PPP1CC: variants seen among roughly 807,000 people sequenced by gnomAD.
PPP1CC encodes the protein serine/threonine-protein phosphatase PP1-gamma catalytic subunit.
A neutral mutation model predicts 38.4 loss-of-function variants in PPP1CC; 16 were observed. That is an observed-to-expected ratio of 0.42 (90% CI 0.28 to 0.63). The LOEUF is 0.63. Ranked by LOEUF, PPP1CC falls within the 30% of genes least tolerant of loss-of-function variation. The probability of loss-of-function intolerance (pLI) is 0.25; values close to 1 mark genes in which losing one functional copy is unlikely to be tolerated. For synonymous variants in PPP1CC, 158 were observed against 136.0 expected (o/e 1.16, Z -1.13); for missense variants, 170 against 391.3 (o/e 0.43, Z 4.77).
intron 1 of PPP1CC, 93 bp from the exon 2 acceptor site, chr12:110,731,994 G>T: frequency 7.2e-7 from 1 of 1,396,450 alleles, no homozygotes; most frequent in South Asian, 1.3e-5. Flanking sequence ...GGTTTAACTA[G>T]CTTTCTGAGT....
the PPP1CC span, among the ~76,000 whole-genome samples, chr12:110,710,807 G>A: frequency 1.3e-5 from 2 of 151,656 alleles, no homozygotes; most frequent in Non-Finnish European, 2.9e-5. Flanking sequence ...TAAGGTGGGC[G>A]GATCACTTGA....
chr12:110,731,548 C>A (rs1231190215), intron 2 of PPP1CC, among the ~76,000 whole-genome samples: 2 of 151,390 alleles, frequency 1.3e-5, no homozygotes, highest in East Asian at 1.9e-4. Flanking sequence ...AATGTTTATT[C>A]CTTCAGCAAA....
chr12:110,735,815 A>G (rs765335651), intron 1 of PPP1CC, among the ~76,000 whole-genome samples: 2 of 151,810 alleles, frequency 1.3e-5, no homozygotes, highest in Non-Finnish European at 1.5e-5. Context: ...CAGTAATCCC[A>G]GCACTTTAGG....
At chr12:110,741,228 A>G (rs2070013806) in intron 1 of PPP1CC, among the ~76,000 whole-genome samples, 1 of 152,118 alleles carries the variant, frequency 6.6e-6, no homozygotes, top group Non-Finnish European at 1.5e-5. Flanking sequence ...AAAGGAAAGA[A>G]TGCACAGATT....
Position 110,731,735 on chromosome 12 carries a change from T to C in PPP1CC, c.187+35A>G, listed in dbSNP as rs375531423. 7.2e-5 allele frequency: 114 copies of C among 1,587,524 alleles called. No individual in the cohort carries two copies. The South Asian group carries it at 8.5e-4, about 12-fold the overall frequency. ...TATCCTTGACTCAGTTAATCAATCA[T>C]GTAACAAAAGATAACCTGTGTGCCC... On this transcript the variant is annotated intron_variant, in intron 2 of 6. Transcript: ENST00000335007.
At chr12:110,710,060 C>A in the PPP1CC span, among the ~76,000 whole-genome samples, 1 of 151,110 alleles carries the variant, frequency 6.6e-6, no homozygotes, top group African/African-American at 2.4e-5. Context: ...AGATTAAGCA[C>A]AACTGAAGAA....
intron 3 of PPP1CC, among the ~76,000 whole-genome samples, chr12:110,728,392 C>A (rs1433662369): frequency 8.0e-6 from 1 of 124,394 alleles, no homozygotes; most frequent in Admixed American, 7.9e-5. Context: ...AGCGAGACTC[C>A]GTCTCAAAAA....
intron 3 of PPP1CC, among the ~76,000 whole-genome samples, chr12:110,729,002 G>A (rs1480061525): frequency 6.6e-6 from 1 of 152,156 alleles, no homozygotes; most frequent in African/African-American, 2.4e-5. Flanking sequence ...GAGGGCCACA[G>A]GGACAACCCT....
At chr12:110,738,564 A>T (rs1187877352) in intron 1 of PPP1CC, among the ~76,000 whole-genome samples, 1 of 152,224 alleles carries the variant, frequency 6.6e-6, no homozygotes, top group Non-Finnish European at 1.5e-5. Context: ...TACAGGTTGT[A>T]ATAGGACTGT....
chr12:110,731,085 T>C (rs1459145436), intron 2 of PPP1CC, among the ~76,000 whole-genome samples: 1 of 152,146 alleles, frequency 6.6e-6, no homozygotes, highest in Non-Finnish European at 1.5e-5. Flanking sequence ...GGCTGACTGA[T>C]CAATATCAGA....
chr12:110,716,424 C>T (rs541445019), downstream of PPP1CC, among the ~76,000 whole-genome samples: 1 of 151,658 alleles, frequency 6.6e-6, no homozygotes, highest in Non-Finnish European at 1.5e-5. Flanking sequence ...AGAGTCTTGG[C>T]TCACTGCAAC....
At chr12:110,712,988 G>T in the PPP1CC span, among the ~76,000 whole-genome samples, 1 of 151,854 alleles carries the variant, frequency 6.6e-6, no homozygotes, top group Non-Finnish European at 1.5e-5. Context: ...CAGGAGAATT[G>T]CTTGAACTTG....
chr12:110,736,898 G>A (rs976963383), intron 1 of PPP1CC, among the ~76,000 whole-genome samples: 1 of 152,150 alleles, frequency 6.6e-6, no homozygotes, highest in African/African-American at 2.4e-5. Context: ...AGCCCTAGCT[G>A]AATTCTAATG....
chr12:110,711,687 G>A, the PPP1CC span, among the ~76,000 whole-genome samples: 2,647 of 152,226 alleles, frequency 0.017, 104 homozygotes, highest in African/African-American at 0.06. Context: ...CACTTTGGGA[G>A]GCCGAGGCAG....
intron 1 of PPP1CC, chr12:110,734,846 GTTGT>G (rs1566087314): frequency 1.0e-4 from 16 of 152,826 alleles, no homozygotes; most frequent in African/African-American, 3.6e-4. Flanking sequence ...GTTCTTAAAA[GTTGT>G]CATATCAGGC....
downstream of PPP1CC, among the ~76,000 whole-genome samples, chr12:110,718,554 G>A (rs2136533788): frequency 6.6e-6 from 1 of 152,304 alleles, no homozygotes; most frequent in East Asian, 1.9e-4. Flanking sequence ...GCAAAGGCAA[G>A]TGACACTTCA....
Position 110,722,391 on chromosome 12 carries a change from A to G in PPP1CC, c.747+81T>C, listed in dbSNP as rs1449445765. The G allele has an allele frequency of 6.4e-7, 1 of 1,562,374 alleles. No individual in the cohort carries two copies. Among genetic ancestry groups the G allele is most frequent in the Non-Finnish European group, 8.8e-7 (1 of 1,135,370 alleles). On this transcript the variant is annotated intron_variant, in intron 5 of 6. Transcript: ENST00000335007. The surrounding 1 kb of genome is among the most constrained non-coding windows in gnomAD (Gnocchi z 5.4). ...GAAACACTTTGTATAAATAAGCAAT[A>G]CCTACCCACCAAAATCAACAAGGAG...
chr12:110,742,685 T>C lies in PPP1CC; in HGVS notation c.23A>G (p.Asn8Ser). Reference sequence around the variant, plus strand: ...CAGCCGTTGGATAATGCTGTCGATGTTGAGTTTATCTAAATCCGCCATCGC... The same window carrying C: ...CAGCCGTTGGATAATGCTGTCGATGCTGAGTTTATCTAAATCCGCCATCGC... MADLDKL[N>S]IDSIIQRLLE... The change falls in exon 1 of 7, where the codon AAC (asparagine) becomes AGC (serine). Residue 8 changes from asparagine to serine, a missense_variant. Coordinates refer to ENST00000335007, the MANE Select transcript of PPP1CC (RefSeq NM_002710.4). 1 of 1,465,528 alleles carries C rather than the reference T, an allele frequency of 6.8e-7. No homozygotes were observed. The highest frequency in any genetic ancestry group is 2.8e-5 in the East Asian group (1 of 36,126). The allele number at this position is 1,465,528 out of a possible 1,614,324, so 90.8% of individuals were successfully genotyped here.
chr12:110,712,914 A>AT, the PPP1CC span, among the ~76,000 whole-genome samples: 3 of 151,722 alleles, frequency 2.0e-5, no homozygotes, highest in Non-Finnish European at 2.9e-5. Flanking sequence ...TCTACTACAA[A>AT]AATACAAAAT....
Sources: allele counts gnomAD v4.1 joint callset (sites outside exome capture counted in the v4.1 genomes callset), GRCh38; gene constraint gnomAD v4.1.1; non-coding constraint Gnocchi (gnomAD v3.1); transcripts MANE v1.5; gene names NCBI Gene and HGNC (gene_info 2026-07-23, HGNC 2026-07-21).